The following COL23A1 variants were observed in gnomAD, a reference collection of about 807,000 sequenced individuals.
The protein encoded by COL23A1 is collagen alpha-1(XXIII) chain.
A neutral mutation model predicts 99.3 loss-of-function variants in COL23A1; 97 were observed. The observed-to-expected ratio is 0.98, with a 90% CI of 0.83 to 1.16. The LOEUF (loss-of-function observed/expected upper bound fraction) is 1.16. Among genes scored for constraint, COL23A1 ranks in the 50% most tolerant of loss-of-function variants. The probability of loss-of-function intolerance (pLI) is 0.00; values close to 1 mark genes in which losing one functional copy is unlikely to be tolerated. For missense variants in COL23A1, 762 were observed against 757.4 expected (o/e 1.01, Z -0.07); for synonymous variants, 320 against 308.2 (o/e 1.04, Z -0.40).
rs1766105530 is a variant in COL23A1, at chr5:178,429,036, T to G, written c.362-122117A>C. 2.0e-5 allele frequency among the ~76,000 whole-genome samples: 3 copies of G among 152,068 alleles called. No individual in the cohort carries two copies. The South Asian group carries it at 6.2e-4, about 32-fold the overall frequency. On this transcript the variant is annotated intron_variant, in intron 2 of 28. Coordinates refer to ENST00000390654, the MANE Select transcript of COL23A1 (RefSeq NM_173465.4). ...ACCTTCTTTTCTGCTCGTGATTGGC[T>G]GGGGCACGCGACTGCTCTGTAAACC...
chr5:178,241,599 G>T (rs1019720980), intron 27 of COL23A1, among the ~76,000 whole-genome samples: 5 of 152,148 alleles, frequency 3.3e-5, no homozygotes, highest in Non-Finnish European at 5.9e-5. Flanking sequence ...GCCCCCAGCG[G>T]CAGCGTGTCT....
intron 1 of COL23A1, among the ~76,000 whole-genome samples, chr5:178,588,211 G>A (rs1045854207): frequency 1.2e-4 from 18 of 152,152 alleles, no homozygotes; most frequent in African/African-American, 3.9e-4. Context: ...CAGTGCAGCC[G>A]GGAGGGGGGA....
chr5:178,356,254 G>C (rs775380212), intron 2 of COL23A1, among the ~76,000 whole-genome samples: 16 of 152,154 alleles, frequency 1.1e-4, no homozygotes, highest in Non-Finnish European at 2.2e-4. Flanking sequence ...TTAGGGTGAC[G>C]ATCATGGTCT....
chr5:178,468,919 C>T lies in COL23A1; in HGVS notation c.361+91763G>A, dbSNP rs1756583508. 6.6e-6 allele frequency among the ~76,000 whole-genome samples: 1 copy of T among 152,124 alleles called. No homozygotes were observed. Among genetic ancestry groups the T allele is most frequent in the Admixed American group, 6.5e-5 (1 of 15,282 alleles). On this transcript the variant is annotated intron_variant, in intron 2 of 28. Transcript: ENST00000390654. This position sits in a 1 kb window ranked among gnomAD's most constrained non-coding sequence, Gnocchi z 4.2. ...CCCATTAAACACCAACTCCCCACTC[C>T]CCCCAGCCTGTGGCACCCACCATCC...
rs1481927639 is a variant in COL23A1 at position 178,382,020 on chromosome 5, C to G, written c.362-75101G>C. ...TCTGAGGGCAGGTTAGTCTTGCCCT[C>G]GAGTCTCCATGTGAGATGGTCTGAC... is the stretch of plus-strand genomic sequence containing the variant. On this transcript the variant is annotated intron_variant, in intron 2 of 28. Transcript: ENST00000390654. 7.9e-5 allele frequency among the ~76,000 whole-genome samples: 12 copies of G among 151,962 alleles called. No homozygotes were observed. The East Asian group carries it at 1.9e-3, about 25-fold the overall frequency.
chr5:178,548,354 C>G (rs1028639626), intron 2 of COL23A1, among the ~76,000 whole-genome samples: 5 of 151,984 alleles, frequency 3.3e-5, no homozygotes, highest in African/African-American at 1.2e-4. Context: ...CAGATCTCAA[C>G]AAACTCTTAA....
At chr5:178,389,880 G>A (rs1763872289) in intron 2 of COL23A1, among the ~76,000 whole-genome samples, 1 of 152,222 alleles carries the variant, frequency 6.6e-6, no homozygotes, top group Non-Finnish European at 1.5e-5. Context: ...CAGCCCTCCT[G>A]AGCCGTTCTG....
intron 2 of COL23A1, among the ~76,000 whole-genome samples, chr5:178,523,143 A>AATATATATATATATACATACAT (rs1760047380): frequency 1.9e-5 from 2 of 106,228 alleles, no homozygotes; most frequent in Admixed American, 2.4e-4. Context: ...TCTATTTAAA[A>AATATATATATATATACATACAT]ATATATATAT....
chr5:178,563,674 C>T lies in COL23A1; in HGVS notation c.295-2926G>A, dbSNP rs192041847. 7.3e-5 allele frequency among the ~76,000 whole-genome samples: 11 copies of T among 151,718 alleles called. No homozygotes were observed. In the East Asian group the frequency reaches 1.8e-3, roughly 24 times the overall value. On this transcript the variant is annotated intron_variant, in intron 1 of 28. Transcript: ENST00000390654. ...AGCCTCCTGAGTAGCTGAGTATACA[C>T]GAAGGTACCACCACACCCAGCTAAT...
intron 2 of COL23A1, among the ~76,000 whole-genome samples, chr5:178,408,977 C>T (rs12517239): frequency 3.4e-3 from 116 of 33,644 alleles, no homozygotes; most frequent in East Asian, 0.032. Context: ...AAAAAAAATA[C>T]ACACACACAC....
intron 2 of COL23A1, among the ~76,000 whole-genome samples, chr5:178,550,350 G>A (rs1761934655): frequency 6.6e-6 from 1 of 152,170 alleles, no homozygotes; most frequent in Non-Finnish European, 1.5e-5. Context: ...TTGTGGTGGT[G>A]GCTGTCCTGG....
intron 2 of COL23A1, among the ~76,000 whole-genome samples, chr5:178,435,836 G>C (rs1561970128): frequency 6.6e-6 from 1 of 152,194 alleles, no homozygotes; most frequent in Non-Finnish European, 1.5e-5. Context: ...GACTGAGTCA[G>C]ATGACGCGCA....
At chr5:178,525,077 G>A (rs1199030954) in intron 2 of COL23A1, among the ~76,000 whole-genome samples, 8 of 144,960 alleles carry the variant, frequency 5.5e-5, no homozygotes, top group African/African-American at 1.6e-4. Flanking sequence ...CCCAGGACCC[G>A]AAGGCTAAGC....
chr5:178,331,941 C>A (rs565608363), intron 2 of COL23A1, among the ~76,000 whole-genome samples: 2 of 152,178 alleles, frequency 1.3e-5, no homozygotes, highest in East Asian at 1.9e-4. Context: ...GGCACAGCTG[C>A]GGGAGGCTGC....
At chr5:178,429,519 T>C (rs889103465) in intron 2 of COL23A1, among the ~76,000 whole-genome samples, 46 of 152,354 alleles carry the variant, frequency 3.0e-4, no homozygotes, top group African/African-American at 1.1e-3. Context: ...ATGCTTACTT[T>C]AGCTTGTGTA....
At chr5:178,509,472 C>T (rs1459318471) in intron 2 of COL23A1, among the ~76,000 whole-genome samples, 3 of 152,150 alleles carry the variant, frequency 2.0e-5, no homozygotes, top group Admixed American at 6.5e-5. Flanking sequence ...CCATCCGCCT[C>T]GGCCTCCCAA....
intron 2 of COL23A1, among the ~76,000 whole-genome samples, chr5:178,454,374 G>A (rs911375828): frequency 6.6e-6 from 1 of 152,218 alleles, no homozygotes; most frequent in African/African-American, 2.4e-5. Flanking sequence ...AAATAGTGCA[G>A]ATAACCTAGG....
chr5:178,368,778 C>T (rs1017222960), intron 2 of COL23A1, among the ~76,000 whole-genome samples: 5 of 152,262 alleles, frequency 3.3e-5, no homozygotes, highest in African/African-American at 1.2e-4. Flanking sequence ...GCAGCTAGCA[C>T]TGCTGCAAGC....
intron 6 of COL23A1, among the ~76,000 whole-genome samples, chr5:178,270,067 C>T (rs980966276): frequency 2.6e-5 from 4 of 152,172 alleles, no homozygotes; most frequent in African/African-American, 9.6e-5. Context: ...CCACAGTTTT[C>T]CATAGGTCCA....
Sources: allele counts gnomAD v4.1 joint callset (sites outside exome capture counted in the v4.1 genomes callset), GRCh38; gene constraint gnomAD v4.1.1; non-coding constraint Gnocchi (gnomAD v3.1); transcripts MANE v1.5; gene names NCBI Gene and HGNC (gene_info 2026-07-23, HGNC 2026-07-21).